The following PPP1R1C variants were observed in gnomAD, a reference collection of about 807,000 sequenced individuals.
PPP1R1C encodes the protein protein phosphatase 1 regulatory inhibitor subunit 1C.
A neutral mutation model predicts 17.4 loss-of-function variants in PPP1R1C; 15 were observed. The ratio of observed to expected loss-of-function variants is 0.86; its 90% confidence interval spans 0.58 to 1.33. PPP1R1C has a LOEUF of 1.33. PPP1R1C is among the 40% of genes most tolerant of loss of function. The pLI, the probability that PPP1R1C is intolerant of heterozygous loss-of-function variation, is 0.00. For missense variants in PPP1R1C, 143 were observed against 130.0 expected, an observed-to-expected ratio of 1.10 and a Z score of -0.48; for synonymous variants, 35 against 43.1, an observed-to-expected ratio of 0.81 and a Z score of 0.73.
Position 181,962,411 on chromosome 2 carries a change from T to C in PPP1R1C, n.111+7777T>C, listed in dbSNP as rs1407749650. 1 of 715,834 alleles carries C rather than the reference T, an allele frequency of 1.4e-6. No homozygotes were observed. Among genetic ancestry groups the C allele is most frequent in the South Asian group, 1.5e-5 (1 of 66,800 alleles). 44.3% of individuals were successfully genotyped at this position (715,834 alleles called of 1,614,324 possible). On this transcript the variant is annotated intron_variant and non_coding_transcript_variant, in intron 1 of 5. Coordinates refer to the PPP1R1C transcript ENST00000464264. The surrounding 1 kb of genome is among the most constrained non-coding windows in gnomAD (Gnocchi z 6.0). The stretch of plus-strand genomic sequence containing the variant: ...GCAGCTGGCCGGCCGGGCGCCGTAG[T>C]TGGACACCTGGACAGAGCCCAGGAA...
intron 4 of PPP1R1C, among the ~76,000 whole-genome samples, chr2:182,082,978 C>G (rs747776013): frequency 2.6e-5 from 4 of 152,096 alleles, no homozygotes; most frequent in Non-Finnish European, 4.4e-5. Context: ...TTTGGGAACA[C>G]TGTTAGATAT....
chr2:182,004,871 G>A (rs1685870876), intron 2 of PPP1R1C, among the ~76,000 whole-genome samples: 1 of 152,158 alleles, frequency 6.6e-6, no homozygotes, highest in South Asian at 2.1e-4. Context: ...AAGAGTACTG[G>A]AGTACTGAAT....
chr2:182,107,359 A>C (rs4666811), intron 4 of PPP1R1C, among the ~76,000 whole-genome samples: 4,686 of 152,286 alleles, frequency 0.031, 223 homozygotes, highest in Admixed American at 0.13. Flanking sequence ...CTTTCAGATT[A>C]AACGTTGTCC....
At chr2:182,116,818 T>C (rs553878160) in intron 4 of PPP1R1C, among the ~76,000 whole-genome samples, 8 of 152,286 alleles carry the variant, frequency 5.3e-5, no homozygotes, top group Non-Finnish European at 1.2e-4. Flanking sequence ...GCACACCCTT[T>C]TGTTCCTAGG....
downstream of PPP1R1C, chr2:182,130,109 C>A (rs534674394): frequency 6.6e-6 from 1 of 152,046 alleles, no homozygotes; most frequent in Non-Finnish European, 1.5e-5. Context: ...TAGGTATAAC[C>A]TTTTCTTAAA....
At chr2:182,052,779 A>C (rs566539182) in intron 2 of PPP1R1C, among the ~76,000 whole-genome samples, 30 of 152,350 alleles carry the variant, frequency 2.0e-4, no homozygotes, top group African/African-American at 6.3e-4. Context: ...GAAATCACAA[A>C]ACATACAATT....
At chr2:182,124,997 A>C (rs1689840325) in intron 5 of PPP1R1C, among the ~76,000 whole-genome samples, 1 of 152,034 alleles carries the variant, frequency 6.6e-6, no homozygotes, top group Admixed American at 6.6e-5. Context: ...AGGGAATGGT[A>C]GAATTTTGCC....
intron 2 of PPP1R1C, among the ~76,000 whole-genome samples, chr2:182,028,830 T>C (rs1310761992): frequency 8.6e-6 from 1 of 116,130 alleles, no homozygotes; most frequent in Non-Finnish European, 1.9e-5. Flanking sequence ...TCTCCCATTA[T>C]TAATGTGTGG....
chr2:182,040,773 T>C (rs576247347), intron 2 of PPP1R1C, among the ~76,000 whole-genome samples: 1 of 152,310 alleles, frequency 6.6e-6, no homozygotes, highest in Admixed American at 6.5e-5. Flanking sequence ...TCTTATAGAA[T>C]TTTTATGGCT....
At chr2:182,080,724 G>GAA (rs66947314) in intron 4 of PPP1R1C, among the ~76,000 whole-genome samples, 34 of 151,338 alleles carry the variant, frequency 2.2e-4, no homozygotes, top group South Asian at 6.3e-4. Context: ...GCTTTAAGGG[G>GAA]AAAAAAAAAG....
rs547702919 is a variant in PPP1R1C, at chr2:182,127,255, C to A, written c.*7-1719C>A. 5.3e-5 allele frequency among the ~76,000 whole-genome samples: 8 copies of A among 152,110 alleles called. No individual in the cohort carries two copies. In the East Asian group the frequency reaches 1.5e-3, roughly 29 times the overall value. On this transcript the variant is annotated intron_variant, in intron 5 of 5. Coordinates refer to the PPP1R1C transcript ENST00000280295. ...GGTGAGAGCAGTCTAGAGGGGCTAG[C>A]ATTTTCTGAGCTGGAAAATGAGTCA...
intron 2 of PPP1R1C, among the ~76,000 whole-genome samples, chr2:182,030,265 T>A (rs1178319434): frequency 1.3e-5 from 2 of 152,256 alleles, no homozygotes; most frequent in Non-Finnish European, 2.9e-5. Flanking sequence ...AAGAACTGCG[T>A]TCCTTTGGAG....
rs1684682765 is a variant in PPP1R1C, at chr2:181,957,125, T to G, written n.111+2491T>G. Among the ~76,000 whole-genome samples, 1 of 152,114 alleles carries G rather than the reference T, an allele frequency of 6.6e-6. No homozygotes were observed. The highest frequency in any genetic ancestry group is 1.5e-5 in the Non-Finnish European group (1 of 68,024). The stretch of plus-strand genomic sequence containing the variant: ...CTGTAATCTCACCACTTTGGGAGGC[T>G]GAGGTGGGCGGATTATCTGAGGTCA... On this transcript the variant is annotated intron_variant and non_coding_transcript_variant, in intron 1 of 5. Coordinates refer to the PPP1R1C transcript ENST00000464264. The surrounding 1 kb of genome is among the most constrained non-coding windows in gnomAD (Gnocchi z 4.2).
intron 2 of PPP1R1C, among the ~76,000 whole-genome samples, chr2:181,993,362 AC>A (rs1474730350): frequency 6.6e-6 from 1 of 152,052 alleles, no homozygotes; most frequent in African/African-American, 2.4e-5. Flanking sequence ...GTTTCTGGGG[AC>A]TCTTAAAGAT....
chr2:182,017,493 TG>T (rs1345620170), intron 2 of PPP1R1C, among the ~76,000 whole-genome samples: 1 of 152,086 alleles, frequency 6.6e-6, no homozygotes, highest in African/African-American at 2.4e-5. Context: ...CAACAAAAAA[TG>T]AGTGATTTTA....
At chr2:182,038,644 C>T (rs770247021) in intron 2 of PPP1R1C, among the ~76,000 whole-genome samples, 3 of 151,958 alleles carry the variant, frequency 2.0e-5, no homozygotes, top group Non-Finnish European at 4.4e-5. Context: ...TAGTTAAAGT[C>T]GACTGCATAC....
chr2:181,972,793 C>A (rs1030992623), intron 1 of PPP1R1C, among the ~76,000 whole-genome samples: 6 of 152,116 alleles, frequency 3.9e-5, no homozygotes, highest in Non-Finnish European at 2.9e-5. Context: ...AGATGATGAG[C>A]TAAACTGATT....
chr2:182,130,721 T>C (rs370883714), downstream of PPP1R1C: 27 of 152,218 alleles, frequency 1.8e-4, no homozygotes, highest in Non-Finnish European at 2.6e-4. Context: ...TATATGTTGC[T>C]CTCTTCTTTT....
chr2:181,966,512 C>G (rs948062809), intron 1 of PPP1R1C, among the ~76,000 whole-genome samples: 1 of 151,660 alleles, frequency 6.6e-6, no homozygotes, highest in Non-Finnish European at 1.5e-5. Context: ...TTTTTTTCAT[C>G]ATAAAAGGAT....
Sources: allele counts gnomAD v4.1 joint callset (sites outside exome capture counted in the v4.1 genomes callset), GRCh38; gene constraint gnomAD v4.1.1; non-coding constraint Gnocchi (gnomAD v3.1); transcripts MANE v1.5; gene names NCBI Gene and HGNC (gene_info 2026-07-23, HGNC 2026-07-21).